Variants in ESF1 observed in about 807,000 individuals in gnomAD.
ESF1 encodes ESF1 homolog.
In ESF1, 58 loss-of-function variants were observed where a neutral mutation model predicts 92.0. The observed-to-expected ratio is 0.63, with a 90% CI of 0.51 to 0.78. The LOEUF (loss-of-function observed/expected upper bound fraction) is 0.78. ESF1 is among the 30% of genes least tolerant of loss of function. The probability of loss-of-function intolerance (pLI) is 0.00; values close to 1 mark genes in which losing one functional copy is unlikely to be tolerated. For missense variants in ESF1, 922 were observed against 989.1 expected (o/e 0.93, Z 0.91); for synonymous variants, 321 against 313.7 (o/e 1.02, Z -0.24).
chr20:13,781,212 T>C (rs1980171908), intron 2 of ESF1, among the ~76,000 whole-genome samples: 3 of 152,220 alleles, frequency 2.0e-5, no homozygotes, highest in African/African-American at 7.2e-5. Context: ...TGGTAGCCAG[T>C]AGTCACATGT....
At chr20:13,758,820 C>T (rs1490152175) in intron 9 of ESF1, among the ~76,000 whole-genome samples, 1 of 152,040 alleles carries the variant, frequency 6.6e-6, no homozygotes, top group Non-Finnish European at 1.5e-5. Flanking sequence ...ATTTGCCCAA[C>T]AATGTTGAAA....
At chr20:13,777,229 A>C (rs1475918560) in intron 2 of ESF1, among the ~76,000 whole-genome samples, 1 of 151,962 alleles carries the variant, frequency 6.6e-6, no homozygotes, top group Non-Finnish European at 1.5e-5. Context: ...CATGGATTTC[A>C]GAGTCAGTCA....
At chr20:13,744,305 T>A (rs2050034085) in intron 9 of ESF1, among the ~76,000 whole-genome samples, 1 of 152,166 alleles carries the variant, frequency 6.6e-6, no homozygotes, top group Admixed American at 6.5e-5. Flanking sequence ...ACATTACTGA[T>A]AAAAGACCAG....
chr20:13,784,812 C>A, intron 1 of ESF1, 68 bp downstream of exon 1: 1 of 548,456 alleles, frequency 1.8e-6, no homozygotes, highest in Non-Finnish European at 3.3e-6. Flanking sequence ...TTTTTCCCCG[C>A]GCCACACACA....
Position 13,714,715 on chromosome 20 carries a change from T to C in ESF1, c.*159A>G. On this transcript the variant is annotated 3_prime_UTR_variant, in exon 14 of 14. Coordinates refer to ENST00000617257, the MANE Select transcript of ESF1 (RefSeq NM_001276380.2). ...ATAAAAATTTGTCAGTCATCCACAA[T>C]TAAGTACAATTATTTATGGAGAAAA... 1 of 656,510 alleles carries C rather than the reference T, an allele frequency of 1.5e-6. No homozygotes were observed. The highest frequency in any genetic ancestry group is 2.4e-5 in the South Asian group (1 of 41,120). The allele number at this position is 656,510 out of a possible 1,614,324, so 40.7% of individuals were successfully genotyped here. A position where few individuals can be genotyped will look rare whatever the true frequency, so the allele number is the denominator to read the frequency against.
At chr20:13,775,589 C>T (rs935373955) in intron 3 of ESF1, among the ~76,000 whole-genome samples, 2 of 152,100 alleles carry the variant, frequency 1.3e-5, no homozygotes, top group African/African-American at 4.8e-5. Flanking sequence ...GTATGTTACC[C>T]TGCAACATTT....
At chr20:13,743,526 T>C (rs146137569) in intron 9 of ESF1, among the ~76,000 whole-genome samples, 11 of 137,288 alleles carry the variant, frequency 8.0e-5, no homozygotes, top group African/African-American at 2.2e-4. Context: ...GGTACATATA[T>C]ACAACAAAAT....
intron 8 of ESF1, among the ~76,000 whole-genome samples, chr20:13,760,711 G>A (rs532130986): frequency 7.3e-5 from 11 of 151,562 alleles, no homozygotes; most frequent in East Asian, 4.0e-4. Context: ...GGAGGGAGGC[G>A]GGGGGTCAGC....
intron 9 of ESF1, among the ~76,000 whole-genome samples, chr20:13,741,477 C>G (rs2050013354): frequency 6.6e-6 from 1 of 152,118 alleles, no homozygotes; most frequent in Non-Finnish European, 1.5e-5. Context: ...CAGTAAAACA[C>G]AGAGCCAAGC....
chr20:13,753,700 T>A (rs1978745494), intron 9 of ESF1, among the ~76,000 whole-genome samples: 1 of 152,106 alleles, frequency 6.6e-6, no homozygotes, highest in African/African-American at 2.4e-5. Flanking sequence ...AGAAATTCAC[T>A]GCCAGGATTG....
In ESF1 at chr20:13,714,751, G is replaced by A; in HGVS notation, c.*123C>T. The A allele has an allele frequency of 1.1e-6, 1 of 936,570 alleles. No individual in the cohort carries two copies. Among genetic ancestry groups the A allele is most frequent in the Non-Finnish European group, 1.5e-6 (1 of 654,194 alleles). 58.0% of individuals were successfully genotyped at this position (936,570 alleles called of 1,614,324 possible). On this transcript the variant is annotated 3_prime_UTR_variant, in exon 14 of 14. Coordinates refer to ENST00000617257, the MANE Select transcript of ESF1 (RefSeq NM_001276380.2). ...TATTTATGGAGAAAAATTTTACTATGTCCAGAAAAAGATTTTATTCATGTT... is the reference window on the plus strand; with the variant it reads ...TATTTATGGAGAAAAATTTTACTATATCCAGAAAAAGATTTTATTCATGTT...
chr20:13,769,985 A>G lies in ESF1; in HGVS notation c.1440T>C (p.Pro480=), dbSNP rs761814395. 1 of 1,610,862 alleles carries G rather than the reference A, an allele frequency of 6.2e-7. No individual in the cohort carries two copies. The highest frequency in any genetic ancestry group is 2.2e-5 in the East Asian group (1 of 44,776). ...IPDDITFDDE[P]KDVASEVNLT... Reference sequence around the variant, plus strand: ...AATTCACTTCTGAGGCTACATCCTTAGGCTCATCATCAAAAGTAATATCAT... The same window carrying G: ...AATTCACTTCTGAGGCTACATCCTTGGGCTCATCATCAAAAGTAATATCAT... The change falls in exon 7 of 14, where the codon CCT becomes CCC. Residue 480 remains proline, a synonymous_variant. Coordinates refer to ENST00000617257, the MANE Select transcript of ESF1 (RefSeq NM_001276380.2).
At chr20:13,766,711 G>A in intron 8 of ESF1, 66 bp downstream of exon 8, 1 of 1,523,170 alleles carries the variant, frequency 6.6e-7, no homozygotes. Context: ...ACAGAATTTG[G>A]CTTTCCCTGT....
chr20:13,723,167 T>A (rs993286068), intron 11 of ESF1, among the ~76,000 whole-genome samples: 7 of 152,292 alleles, frequency 4.6e-5, no homozygotes, highest in South Asian at 2.1e-4. Flanking sequence ...GTTGAGCAAT[T>A]CATATGAGAG....
At chr20:13,748,403 T>TATATAC (rs1555823461) in intron 9 of ESF1, among the ~76,000 whole-genome samples, 3 of 117,782 alleles carry the variant, frequency 2.5e-5, no homozygotes, top group African/African-American at 1.0e-4. Context: ...TCAAAGGATA[T>TATATAC]ATATACACAT....
chr20:13,779,673 T>G (rs1980093934), intron 2 of ESF1, among the ~76,000 whole-genome samples: 1 of 152,200 alleles, frequency 6.6e-6, no homozygotes, highest in South Asian at 2.1e-4. Context: ...TAGCTGGGAT[T>G]ACAGGTGTGC....
intron 9 of ESF1, among the ~76,000 whole-genome samples, chr20:13,759,124 A>C (rs1979037524): frequency 6.6e-6 from 1 of 152,164 alleles, no homozygotes; most frequent in Non-Finnish European, 1.5e-5. Flanking sequence ...AGAAAGTGAA[A>C]CCATGAAAAA....
At position 13,729,741 on chromosome 20, in the gene ESF1, CTTGTT is replaced by C. The variant is rs201024680; in HGVS notation, c.1951-1281_1951-1277del. Among the ~76,000 whole-genome samples, 757 of 152,274 alleles carry C rather than the reference CTTGTT, an allele frequency of 5.0e-3. 8 individuals are homozygous for C. The highest frequency in any genetic ancestry group is 9.4e-3 in the Admixed American group (143 of 15,292). On this transcript the variant is annotated intron_variant, in intron 10 of 13. Transcript: ENST00000617257. Reference sequence around the variant, plus strand: ...CTCATCGCCCAATTTTAACAATTATCTTGTTTTATCTATAAGCCACCCCTAAAAAC... The same window carrying C: ...CTCATCGCCCAATTTTAACAATTATCTTATCTATAAGCCACCCCTAAAAAC...
intron 8 of ESF1, among the ~76,000 whole-genome samples, chr20:13,765,912 C>T (rs964298184): frequency 7.9e-5 from 12 of 152,034 alleles, no homozygotes; most frequent in African/African-American, 2.4e-4. Flanking sequence ...AAAACAGAGA[C>T]TATGAGTAAA....
Sources: gnomAD v4.1 joint callset for allele counts (sites outside exome capture counted in the v4.1 genomes callset) on GRCh38, gnomAD v4.1.1 for gene constraint, MANE v1.5 for transcripts, NCBI Gene and HGNC (gene_info 2026-07-23, HGNC 2026-07-21) for gene names.